MCPH1: variants seen among roughly 807,000 people sequenced by gnomAD.
The protein encoded by MCPH1 is microcephalin.
MCPH1 carries 104 observed loss-of-function variants against 84.5 expected under a neutral mutation model. The ratio of observed to expected loss-of-function variants is 1.23; its 90% CI spans 1.05 to 1.45. MCPH1 has a LOEUF of 1.45. MCPH1 is among the 40% of genes most tolerant of loss of function. The pLI, the probability that MCPH1 is intolerant of heterozygous loss-of-function variation, is 0.00. For missense variants in MCPH1, 1,498 were observed against 1,005.7 expected, an observed-to-expected ratio of 1.49 and a Z score of -6.62; for synonymous variants, 514 against 366.8, an observed-to-expected ratio of 1.40 and a Z score of -4.58.
intron 3 of MCPH1, among the ~76,000 whole-genome samples, chr8:6,419,207 C>G (rs1585629133): frequency 6.7e-6 from 1 of 149,192 alleles, no homozygotes; most frequent in East Asian, 2.0e-4. Context: ...ACCCCAAATA[C>G]TTATTTGACA....
chr8:6,595,934 C>T (rs920636800), intron 12 of MCPH1, among the ~76,000 whole-genome samples: 6 of 152,084 alleles, frequency 3.9e-5, no homozygotes, highest in Non-Finnish European at 8.8e-5. Context: ...ACGATTAATC[C>T]CCAAAAAGGA....
chr8:6,504,224 A>G (rs1210965758), intron 12 of MCPH1, among the ~76,000 whole-genome samples: 1 of 146,152 alleles, frequency 6.8e-6, no homozygotes, highest in Non-Finnish European at 1.5e-5. Context: ...AGGCTGAGGC[A>G]GGAGAATGGC....
At chr8:6,552,322 C>T (rs1823790540) in intron 12 of MCPH1, among the ~76,000 whole-genome samples, 1 of 152,180 alleles carries the variant, frequency 6.6e-6, no homozygotes, top group Non-Finnish European at 1.5e-5. Context: ...CACGCAGTCA[C>T]AGCAGTGTGT....
At position 6,444,434 on chromosome 8, in the gene MCPH1, C is replaced by T; in HGVS notation, c.712C>T (p.Leu238Phe). Residue 238 changes from leucine to phenylalanine, a missense_variant, in exon 8 of 14, where the codon CTT (leucine) becomes TTT (phenylalanine). Physicochemically the swap from Leu to Phe is conservative, Grantham distance 22 (BLOSUM62 0). Coordinates refer to ENST00000344683, the MANE Select transcript of MCPH1 (RefSeq NM_024596.5). ...AGGLHSSFDD[L>F]CGNSGCGNQE... ...TGGCTTACACTCATCTTTTGATGAT[C>T]TTTGTGGAAACTCAGGATGTGGAAA... The T allele has an allele frequency of 1.2e-6, 2 of 1,614,090 alleles. No individual in the cohort carries two copies. Among genetic ancestry groups the T allele is most frequent in the Non-Finnish European group, 1.7e-6 (2 of 1,179,988 alleles).
At chr8:6,565,055 G>C (rs564291214) in intron 12 of MCPH1, among the ~76,000 whole-genome samples, 58 of 152,306 alleles carry the variant, frequency 3.8e-4, no homozygotes, top group African/African-American at 1.3e-3. Context: ...TACCCATCCG[G>C]ACAGTGCACC....
intron 2 of MCPH1, among the ~76,000 whole-genome samples, chr8:6,411,918 G>T (rs1336815325): frequency 6.6e-6 from 1 of 152,120 alleles, no homozygotes; most frequent in African/African-American, 2.4e-5. Flanking sequence ...AACAAATCCT[G>T]TTTATGTCCT....
chr8:6,443,452 G>A (rs1803808335), intron 7 of MCPH1, among the ~76,000 whole-genome samples: 3 of 152,252 alleles, frequency 2.0e-5, no homozygotes, highest in Non-Finnish European at 2.9e-5. Flanking sequence ...CCTTTTTAAA[G>A]TAGAACTTCA....
chr8:6,485,855 A>C (rs1233635176), intron 11 of MCPH1, among the ~76,000 whole-genome samples: 1 of 152,106 alleles, frequency 6.6e-6, no homozygotes, highest in Non-Finnish European at 1.5e-5. Flanking sequence ...CGCAATGGTA[A>C]CCGCAATGGT....
intron 1 of MCPH1, among the ~76,000 whole-genome samples, chr8:6,407,306 G>A (rs764800676): frequency 6.6e-6 from 1 of 152,042 alleles, no homozygotes; most frequent in Non-Finnish European, 1.5e-5. Context: ...GCTTAGGCTA[G>A]TATGGTATTG....
intron 11 of MCPH1, among the ~76,000 whole-genome samples, chr8:6,487,949 A>G (rs1563276447): frequency 6.6e-6 from 1 of 152,264 alleles, no homozygotes; most frequent in Admixed American, 6.5e-5. Flanking sequence ...TTAGAAACAC[A>G]TCTCTGTCAA....
At chr8:6,477,717 T>G (rs1808667884) in intron 10 of MCPH1, 86 bp downstream of exon 10, 1 of 987,586 alleles carries the variant, frequency 1.0e-6, no homozygotes, top group Admixed American at 1.7e-5. Flanking sequence ...TTAGGCAACT[T>G]GTCAATCTGT....
At chr8:6,450,423 A>G (rs887408658) in intron 8 of MCPH1, among the ~76,000 whole-genome samples, 1 of 151,238 alleles carries the variant, frequency 6.6e-6, no homozygotes, top group Non-Finnish European at 1.5e-5. Flanking sequence ...GCACCAGACC[A>G]TCGTGTATCC....
At chr8:6,517,193 C>G (rs1816423504) in intron 12 of MCPH1, among the ~76,000 whole-genome samples, 1 of 152,220 alleles carries the variant, frequency 6.6e-6, no homozygotes, top group African/African-American at 2.4e-5. Context: ...CAAGACCTTA[C>G]CACTCCAATT....
chr8:6,435,796 G>A (rs538871163), intron 4 of MCPH1, among the ~76,000 whole-genome samples: 1 of 152,282 alleles, frequency 6.6e-6, no homozygotes, highest in Non-Finnish European at 1.5e-5. Context: ...AACTAAGAAT[G>A]CTAGGATCAT....
At chr8:6,419,161 A>G (rs933745091) in intron 3 of MCPH1, among the ~76,000 whole-genome samples, 1 of 33,982 alleles carries the variant, frequency 2.9e-5, no homozygotes, top group Non-Finnish European at 2.0e-4. Flanking sequence ...AGACACACAC[A>G]CACACACACA....
intron 7 of MCPH1, among the ~76,000 whole-genome samples, chr8:6,443,624 C>T (rs376411686): frequency 2.6e-5 from 4 of 152,172 alleles, no homozygotes; most frequent in Admixed American, 2.0e-4. Flanking sequence ...AGCACAGTGA[C>T]GGGCAGATGC....
intron 11 of MCPH1, among the ~76,000 whole-genome samples, chr8:6,492,737 AT>A (rs34604769): frequency 3.7e-5 from 1 of 27,170 alleles, no homozygotes; most frequent in East Asian, 4.1e-3. Context: ...TCAAATAAAT[AT>A]TAATAATAAT....
In MCPH1 at chr8:6,643,179, A is replaced by G. The variant is rs1798046346; in HGVS notation, c.*130A>G. 1 of 817,816 alleles carries G rather than the reference A, an allele frequency of 1.2e-6. No homozygotes were observed. Among genetic ancestry groups the G allele is most frequent in the Non-Finnish European group, 2.1e-6 (1 of 483,960 alleles). 50.7% of individuals were successfully genotyped at this position (817,816 alleles called of 1,614,324 possible). A position where few individuals can be genotyped will look rare whatever the true frequency, so the allele number is the denominator to read the frequency against. ...GATGACTTCTGATATCATGTTTGCC[A>G]TGTGTTGTGGTTCTTAAGAACTCAT... On this transcript the variant is annotated 3_prime_UTR_variant, in exon 14 of 14. Coordinates refer to ENST00000344683, the MANE Select transcript of MCPH1 (RefSeq NM_024596.5).
chr8:6,619,817 C>T (rs569540389), intron 12 of MCPH1, among the ~76,000 whole-genome samples: 16 of 152,314 alleles, frequency 1.1e-4, no homozygotes, highest in Non-Finnish European at 1.8e-4. Flanking sequence ...ATCTCCTGAC[C>T]TTGTGACCTG....
Sources: allele counts gnomAD v4.1 joint callset (sites outside exome capture counted in the v4.1 genomes callset), GRCh38; gene constraint gnomAD v4.1.1; transcripts MANE v1.5; gene names NCBI Gene and HGNC (gene_info 2026-07-23, HGNC 2026-07-21).